The following RYR3 variants were observed in gnomAD, a reference collection of about 807,000 sequenced individuals.
RYR3 encodes brain ryanodine receptor-calcium release channel.
In RYR3, 207 loss-of-function variants were observed where a neutral mutation model predicts 584.3. The observed-to-expected ratio is 0.35, with a 90% CI of 0.32 to 0.40. The LOEUF (loss-of-function observed/expected upper bound fraction) is 0.40, where lower values mean the gene tolerates loss of function less well. Among genes scored for constraint, RYR3 ranks in the 10% least tolerant of loss-of-function variants. RYR3 has a pLI of 1.00. For synonymous variants in RYR3, 2,416 were observed against 2,248.5 expected (o/e 1.07, Z -2.11); for missense variants, 5,616 against 6,089.2 (o/e 0.92, Z 2.59).
chr15:33,552,293 G>T (rs1033349939), intron 10 of RYR3, among the ~76,000 whole-genome samples: 1 of 152,164 alleles, frequency 6.6e-6, no homozygotes, highest in African/African-American at 2.4e-5. Context: ...GCCCCATAGA[G>T]ACCTTGTAAC....
chr15:33,840,305 G>A (rs556671518), intron 89 of RYR3, among the ~76,000 whole-genome samples: 2 of 152,324 alleles, frequency 1.3e-5, no homozygotes, highest in South Asian at 4.1e-4. Flanking sequence ...TGTGGGACAC[G>A]AGTCAAATGG....
chr15:33,722,433 A>G (rs778200139), intron 43 of RYR3: 2 of 453,472 alleles, frequency 4.4e-6, no homozygotes, highest in Non-Finnish European at 7.7e-6. Flanking sequence ...TCCTGACCCA[A>G]TTTATCAAAG....
intron 1 of RYR3, among the ~76,000 whole-genome samples, chr15:33,322,539 T>A (rs186815274): frequency 1.1e-3 from 168 of 152,300 alleles, no homozygotes; most frequent in African/African-American, 4.0e-3. Flanking sequence ...TGGGGACATA[T>A]AATCAAATTA....
chr15:33,471,800 A>G (rs1277106792), intron 1 of RYR3, among the ~76,000 whole-genome samples: 1 of 152,116 alleles, frequency 6.6e-6, no homozygotes. Context: ...TACCTCTTGC[A>G]TTGCTGATGA....
At chr15:33,611,585 A>G (rs528648999) in intron 18 of RYR3, among the ~76,000 whole-genome samples, 1 of 152,114 alleles carries the variant, frequency 6.6e-6, no homozygotes, top group South Asian at 2.1e-4. Flanking sequence ...GTATAACTCC[A>G]TAAAATATAT....
intron 94 of RYR3, chr15:33,851,127 T>C (rs2079079682): frequency 2.0e-5 from 3 of 152,184 alleles, no homozygotes; most frequent in South Asian, 2.1e-4. Flanking sequence ...TATTATCACA[T>C]TGATCAATTT....
chr15:33,660,083 C>A (rs1596020533), intron 33 of RYR3, 114 bp from the exon 34 acceptor site: 10 of 709,696 alleles, frequency 1.4e-5, no homozygotes, highest in South Asian at 9.2e-5. Context: ...CCTTAGAGAT[C>A]CCTGGATACA....
intron 1 of RYR3, among the ~76,000 whole-genome samples, chr15:33,439,692 T>C (rs2046053395): frequency 6.6e-6 from 1 of 152,200 alleles, no homozygotes; most frequent in South Asian, 2.1e-4. Context: ...TCCTAAATCT[T>C]CACTTTCCTT....
intron 67 of RYR3, among the ~76,000 whole-genome samples, chr15:33,794,126 T>TACATA (rs2075380906): frequency 5.2e-5 from 6 of 116,126 alleles, no homozygotes; most frequent in East Asian, 4.5e-4. Flanking sequence ...CATAAATATA[T>TACATA]ATTTATATAT....
intron 38 of RYR3, among the ~76,000 whole-genome samples, chr15:33,681,904 C>T (rs1286484560): frequency 1.2e-4 from 19 of 152,206 alleles, no homozygotes; most frequent in Non-Finnish European, 2.6e-4. Context: ...ATTTGCTTTG[C>T]CAGTGGCCAA....
At chr15:33,632,244 C>T (rs1190230756) in intron 23 of RYR3, among the ~76,000 whole-genome samples, 1 of 152,232 alleles carries the variant, frequency 6.6e-6, no homozygotes, top group African/African-American at 2.4e-5. Flanking sequence ...GCCCTAGGGC[C>T]ATAGATACCT....
chr15:33,574,423 T>C lies in RYR3; in HGVS notation c.1269-5553T>C, dbSNP rs367813267. On this transcript the variant is annotated intron_variant, in intron 12 of 103. Transcript: ENST00000634891. Reference sequence around the variant, plus strand: ...TTCATACTGCCGAGCCTTCATCTCATGTACTCATGGCATTCTCTTCCCCAC... The same window carrying C: ...TTCATACTGCCGAGCCTTCATCTCACGTACTCATGGCATTCTCTTCCCCAC... Among the ~76,000 whole-genome samples the C allele has an allele frequency of 3.3e-5, 5 of 152,218 alleles. No individual in the cohort carries two copies. In the East Asian group the frequency reaches 7.7e-4, roughly 23 times the overall value.
intron 5 of RYR3, among the ~76,000 whole-genome samples, chr15:33,536,222 G>C (rs549591347): frequency 1.3e-5 from 2 of 152,246 alleles, no homozygotes; most frequent in Admixed American, 6.5e-5. Context: ...TAGTGGAGTT[G>C]AAACTATAGG....
At position 33,772,076 on chromosome 15, in the gene RYR3, C is replaced by A. The variant is rs1169364915; in HGVS notation, c.8973C>A (p.Asn2991Lys). Residue 2991 changes from asparagine to lysine, a missense_variant, in exon 63 of 104, where the codon AAC becomes AAA. By Grantham distance (94) the Asn-to-Lys change is moderately conservative (BLOSUM62 0). This residue lies in a region of RYR3 where 954 missense variants were observed against 1,132.2 expected (regional missense o/e 0.84). Coordinates refer to ENST00000634891, the MANE Select transcript of RYR3 (RefSeq NM_001036.6). ...TQIKGVSQNI[N>K]YTTVALLPIL... The stretch of plus-strand genomic sequence containing the variant: ...TTAAAGGCGTTTCTCAGAATATTAA[C>A]TACACTACAGTGGCTCTGCTCCCCA... 6.2e-7 allele frequency: 1 copy of A among 1,613,834 alleles called. No homozygotes were observed. The highest frequency in any genetic ancestry group is 2.2e-5 in the East Asian group (1 of 44,866).
intron 9 of RYR3, among the ~76,000 whole-genome samples, chr15:33,549,946 C>G (rs956007055): frequency 1.3e-4 from 20 of 152,318 alleles, no homozygotes; most frequent in African/African-American, 4.6e-4. Context: ...CCTTCAAGAT[C>G]ATTCCTTGTT....
At chr15:33,594,021 C>T (rs1183741126) in intron 16 of RYR3, among the ~76,000 whole-genome samples, 1 of 152,142 alleles carries the variant, frequency 6.6e-6, no homozygotes, top group Non-Finnish European at 1.5e-5. Context: ...TGAATTTGTA[C>T]CATCAAATAC....
At chr15:33,543,492 G>C in intron 7 of RYR3, 130 bp from the exon 8 acceptor site, 1 of 696,796 alleles carries the variant, frequency 1.4e-6, no homozygotes, top group Non-Finnish European at 2.6e-6. Context: ...GGAATATGTA[G>C]TTATCAAAAT....
intron 18 of RYR3, among the ~76,000 whole-genome samples, chr15:33,612,643 A>G (rs532188697): frequency 6.6e-6 from 1 of 152,352 alleles, no homozygotes; most frequent in Non-Finnish European, 1.5e-5. Context: ...TACAGGCGTG[A>G]GCCACTGTGC....
chr15:33,658,490 T>C (rs1303153591), intron 32 of RYR3, among the ~76,000 whole-genome samples: 1 of 152,232 alleles, frequency 6.6e-6, no homozygotes, highest in Non-Finnish European at 1.5e-5. Context: ...TTCTGTTTGC[T>C]GAAAGCAAGA....
Sources: gnomAD v4.1 joint callset for allele counts (sites outside exome capture counted in the v4.1 genomes callset) on GRCh38, gnomAD v4.1.1 for gene constraint, gnomAD v4.1.1 regional missense constraint, MANE v1.5 for transcripts, NCBI Gene and HGNC (gene_info 2026-07-23, HGNC 2026-07-21) for gene names.